MYO19: variants seen among roughly 807,000 people sequenced by gnomAD.
MYO19 encodes myosin XIX.
MYO19 carries 132 observed loss-of-function variants against 129.2 expected under a neutral mutation model. The ratio of observed to expected loss-of-function variants is 1.02; its 90% CI spans 0.89 to 1.18. The LOEUF is 1.18. Among genes scored for constraint, MYO19 ranks in the 50% most tolerant of loss-of-function variants. The pLI is 0.00. For synonymous variants in MYO19, 531 were observed against 477.2 expected, an observed-to-expected ratio of 1.11 and a Z score of -1.47; for missense variants, 1,210 against 1,216.7, an observed-to-expected ratio of 0.99 and a Z score of 0.08.
intron 20 of MYO19, among the ~76,000 whole-genome samples, chr17:36,503,600 C>A (rs913935364): frequency 2.0e-5 from 3 of 152,224 alleles, no homozygotes. Context: ...CTCTGCCTCC[C>A]CCAGATCTCC....
Position 36,499,106 on chromosome 17 carries a change from G to T in MYO19, c.2432C>A (p.Thr811Lys). ...CTTCTGCCATGCACGCTTGATGACT[G>T]TGGCAGCTGCATGCAGCCTCTGGAT... ...KHIQRLHAAA[T>K]VIKRAWQKWR... Residue 811 changes from threonine to lysine, a missense_variant, in exon 24 of 26, where the codon ACA becomes AAA. Transcript: ENST00000614623. 6.2e-7 allele frequency: 1 copy of T among 1,610,756 alleles called. No homozygotes were observed. The highest frequency in any genetic ancestry group is 8.5e-7 in the Non-Finnish European group (1 of 1,178,392).
At chr17:36,522,597 T>C (rs183656742) in intron 6 of MYO19, among the ~76,000 whole-genome samples, 1 of 151,824 alleles carries the variant, frequency 6.6e-6, no homozygotes, top group African/African-American at 2.4e-5. Flanking sequence ...AGACTAGGCG[T>C]GGTGGCTCAT....
At chr17:36,510,370 A>G (rs2072232629) in intron 13 of MYO19, among the ~76,000 whole-genome samples, 1 of 152,258 alleles carries the variant, frequency 6.6e-6, no homozygotes, top group Admixed American at 6.5e-5. Context: ...AGAGAGGCCC[A>G]TTCAGCCAAG....
At position 36,513,424 on chromosome 17, in the gene MYO19, C is replaced by T; in HGVS notation, c.894+5G>A. On this transcript the variant is annotated splice_donor_5th_base_variant and intron_variant, in intron 11 of 25. Transcript: ENST00000614623. ...AAACTTAAGTGGCGTGGCTTTTCTT[C>T]TGACCTTAAAGATGTTGTTCTGGGT... 6.2e-7 allele frequency: 1 copy of T among 1,614,048 alleles called. No individual in the cohort carries two copies. The highest frequency in any genetic ancestry group is 8.5e-7 in the Non-Finnish European group (1 of 1,179,904).
chr17:36,510,887 C>T lies in MYO19; in HGVS notation c.1016G>A (p.Gly339Glu). ...YSVRTAASLLGLPEDVLLEMV... is the reference protein window; with the variant it reads ...YSVRTAASLLELPEDVLLEMV... ...CTCCAGCAGCACGTCCTCTGGGAGC[C>T]CCAGCAGCGAGGCTGCCGTCCTGAC... The change falls in exon 13 of 26, where the codon GGG becomes GAG. Residue 339 changes from glycine (G) to glutamate (E), a missense_variant. Physicochemically the swap from Gly to Glu is moderately conservative, Grantham distance 98. Transcript: ENST00000614623. 1 of 1,581,680 alleles carries T rather than the reference C, an allele frequency of 6.3e-7. No individual in the cohort carries two copies. Among genetic ancestry groups the T allele is most frequent in the Non-Finnish European group, 8.6e-7 (1 of 1,163,670 alleles).
intron 11 of MYO19, 76 bp downstream of exon 11, chr17:36,513,353 A>C: frequency 1.9e-6 from 3 of 1,612,604 alleles, no homozygotes; most frequent in Non-Finnish European, 2.5e-6. Context: ...ACCAACTCCA[A>C]GTCCAGGGAA....
At position 36,513,709 on chromosome 17, in the gene MYO19, C is replaced by CT; in HGVS notation, c.736dup (p.Ser246LysfsTer2). 2 of 1,613,678 alleles carry CT rather than the reference C, an allele frequency of 1.2e-6. No individual in the cohort carries two copies. Among genetic ancestry groups the CT allele is most frequent in the Non-Finnish European group, 1.7e-6 (2 of 1,179,778 alleles). ...GTGCCACTGGAGCCTCTCGTCCTCA[C>CT]TGGCTCCTTTGCAAATCTGTGGAGA... On this transcript the variant is annotated frameshift_variant, in exon 10 of 26. Coordinates refer to ENST00000614623, the MANE Select transcript of MYO19 (RefSeq NM_001163735.2). LOFTEE classifies it high-confidence loss of function.
chr17:36,515,176 G>A lies in MYO19; in HGVS notation c.554C>T (p.Ala185Val), dbSNP rs2072656908. ...SNPVMEAFGN[A>V]CTLRNNNSSR... ...GCTGTTGTTATTCCTCAGTGTACACGCATTCCCTACAGATCACACCTATGT... is the reference window on the plus strand; with the variant it reads ...GCTGTTGTTATTCCTCAGTGTACACACATTCCCTACAGATCACACCTATGT... The change falls in exon 8 of 26, where the codon GCG becomes GTG. Residue 185 changes from alanine (A) to valine (V), a missense_variant. Transcript: ENST00000614623. 11 of 1,612,504 alleles carry A rather than the reference G, an allele frequency of 6.8e-6. No individual in the cohort carries two copies. Among genetic ancestry groups the A allele is most frequent in the African/African-American group, 2.7e-5 (2 of 75,030 alleles).
chr17:36,496,413 G>C lies in MYO19; in HGVS notation c.2758-7C>G, dbSNP rs79844016. On this transcript the variant is annotated splice_polypyrimidine_tract_variant and splice_region_variant and intron_variant, in intron 25 of 25. Transcript: ENST00000614623. Reference sequence around the variant, plus strand: ...AGTGAAACTTTATCGATCCCTAGAGGGGAGAGAGAGATGCAGCTTTAGCAC... The same window carrying C: ...AGTGAAACTTTATCGATCCCTAGAGCGGAGAGAGAGATGCAGCTTTAGCAC... 2.6e-4 allele frequency: 422 copies of C among 1,613,784 alleles called. No homozygotes were observed. In the African/African-American group the frequency reaches 5.3e-3, roughly 20 times the overall value.
At chr17:36,522,026 TTTAAAA>T (rs1423708230) in intron 6 of MYO19, among the ~76,000 whole-genome samples, 1 of 38,514 alleles carries the variant, frequency 2.6e-5, no homozygotes, top group East Asian at 1.1e-3. Context: ...CAAGACTGTC[TTTAAAA>T]AAAAAAAAAA....
intron 1 of MYO19, among the ~76,000 whole-genome samples, chr17:36,542,480 A>C (rs563260872): frequency 6.6e-6 from 1 of 152,172 alleles, no homozygotes; most frequent in East Asian, 2.0e-4. Flanking sequence ...CGGGCGGATC[A>C]AGAGGTCAGG....
At chr17:36,503,327 G>T in intron 20 of MYO19, 127 bp from the exon 21 acceptor site, 2 of 750,520 alleles carry the variant, frequency 2.7e-6, no homozygotes, top group Non-Finnish European at 4.6e-6. Context: ...CCCTCCCCGA[G>T]TATCCCCACT....
chr17:36,506,473 C>T lies in MYO19; in HGVS notation c.1780G>A (p.Val594Met), dbSNP rs576609678. 3.3e-5 allele frequency: 53 copies of T among 1,613,816 alleles called. 1 individual carries two copies. The highest frequency in any genetic ancestry group is 1.5e-4 in the Admixed American group (9 of 60,004). ...PGQSRAPVLT[V>M]VSKFKASLEQ... ...AGACCCACCTTGAACTTGGACACCACGGTCAACACAGGGGCCCTGCTCTGG... is the reference window on the plus strand; with the variant it reads ...AGACCCACCTTGAACTTGGACACCATGGTCAACACAGGGGCCCTGCTCTGG... The change falls in exon 18 of 26, where the codon GTG becomes ATG. Residue 594 changes from valine to methionine, a missense_variant. Val to Met is a conservative substitution (Grantham distance 21). Coordinates refer to ENST00000614623, the MANE Select transcript of MYO19 (RefSeq NM_001163735.2).
At chr17:36,516,069 C>T in intron 6 of MYO19, 79 bp from the exon 7 acceptor site, 2 of 1,457,678 alleles carry the variant, frequency 1.4e-6, no homozygotes, top group South Asian at 1.3e-5. Context: ...ACAGTGCCCA[C>T]CAGAGCTCTC....
At chr17:36,515,653 G>A (rs1269578602) in intron 7 of MYO19, among the ~76,000 whole-genome samples, 1 of 152,166 alleles carries the variant, frequency 6.6e-6, no homozygotes. Context: ...AGGCTGGAGC[G>A]AGGAAGAGGA....
At position 36,496,260 on chromosome 17, in the gene MYO19, C is replaced by G. The variant is rs376791784; in HGVS notation, c.2904G>C (p.Gly968=). Residue 968 remains glycine (G), a synonymous_variant, in exon 26 of 26, where the codon GGG becomes GGC. Coordinates refer to ENST00000614623, the MANE Select transcript of MYO19 (RefSeq NM_001163735.2). ...ACAAAGGCACCAAGGATCACCCCAGCCCAGTGAAGGCAGAAGAGGTCACGT... is the reference window on the plus strand; with the variant it reads ...ACAAAGGCACCAAGGATCACCCCAGGCCAGTGAAGGCAGAAGAGGTCACGT... ...LIHVTSSAFT[G]LG 6.6e-4 allele frequency: 1,066 copies of G among 1,613,962 alleles called. No individual in the cohort carries two copies. Among genetic ancestry groups the G allele is most frequent in the Middle Eastern group, 9.9e-4 (6 of 6,056 alleles).
chr17:36,535,446 G>A (rs2074082274), upstream of MYO19: 1 of 152,302 alleles, frequency 6.6e-6, no homozygotes, highest in Admixed American at 6.5e-5. Flanking sequence ...GAATCGGCCG[G>A]CCCGGAAGTG....
upstream of MYO19, chr17:36,537,601 T>C (rs2074160056): frequency 1.2e-6 from 2 of 1,614,110 alleles, no homozygotes; most frequent in Non-Finnish European, 8.5e-7. Flanking sequence ...ACAGGAGCAA[T>C]GGATTTTGGA....
rs376221271 is a variant in MYO19 at position 36,503,872 on chromosome 17, G to A, written c.1976+78C>T. On this transcript the variant is annotated intron_variant, in intron 20 of 25. Coordinates refer to ENST00000614623, the MANE Select transcript of MYO19 (RefSeq NM_001163735.2). ...CATTTCCACATCTCACTCTGGGTTG[G>A]GCAGGCTCTTGCCCAATGAGAGTCC... 1.2e-4 allele frequency: 153 copies of A among 1,225,308 alleles called. No individual in the cohort carries two copies. The African/African-American group carries it at 2.3e-3, about 18-fold the overall frequency. The allele number at this position is 1,225,308 out of a possible 1,614,324, so 75.9% of individuals were successfully genotyped here. A position where few individuals can be genotyped will look rare whatever the true frequency, so the allele number is the denominator to read the frequency against.
Sources: allele counts gnomAD v4.1 joint callset (sites outside exome capture counted in the v4.1 genomes callset), GRCh38; gene constraint gnomAD v4.1.1; transcripts MANE v1.5; gene names NCBI Gene and HGNC (gene_info 2026-07-23, HGNC 2026-07-21).